The following DNAH7 variants were observed in gnomAD, a reference collection of about 807,000 sequenced individuals.
The protein encoded by DNAH7 is dynein axonemal heavy chain 7.
Under a neutral mutation model 444.6 loss-of-function variants are expected in DNAH7, and 397 were observed. The observed-to-expected ratio is 0.89, with a 90% CI of 0.82 to 0.97. DNAH7 has a LOEUF of 0.97. Ranked by LOEUF, DNAH7 falls within the 50% of genes least tolerant of loss-of-function variation. The pLI is 0.00. For synonymous variants in DNAH7, 1,636 were observed against 1,624.4 expected (o/e 1.01, Z -0.17); for missense variants, 4,902 against 4,800.8 (o/e 1.02, Z -0.62).
At chr2:195,934,532 T>C in intron 21 of DNAH7, 59 bp downstream of exon 21, 1 of 1,513,632 alleles carries the variant, frequency 6.6e-7, no homozygotes, top group Non-Finnish European at 9.1e-7. Flanking sequence ...AACAGAATAT[T>C]TCTAATAACA....
chr2:195,927,727 ATATC>A (rs1323394035), intron 21 of DNAH7, among the ~76,000 whole-genome samples: 9 of 151,386 alleles, frequency 5.9e-5, no homozygotes, highest in African/African-American at 2.2e-4. Flanking sequence ...GTCTATTATT[ATATC>A]TATGTTTACC....
At chr2:195,967,557 C>T (rs1006192419) in intron 17 of DNAH7, among the ~76,000 whole-genome samples, 3 of 152,180 alleles carry the variant, frequency 2.0e-5, no homozygotes, top group Non-Finnish European at 4.4e-5. Flanking sequence ...AATCTCTCAG[C>T]TTTTGTTTGT....
At chr2:195,793,454 G>T (rs1240949081) in intron 57 of DNAH7, among the ~76,000 whole-genome samples, 1 of 152,084 alleles carries the variant, frequency 6.6e-6, no homozygotes, top group African/African-American at 2.4e-5. Flanking sequence ...TTAAAATTTT[G>T]CAAAGAGGCT....
Position 195,972,416 on chromosome 2 carries a change from T to C in DNAH7, c.1884A>G (p.Arg628=). ...CGAGGCAGTTTTTGGAATCCACTAATCTCTGTTCTAGTTCAATCATATCAG... is the reference window on the plus strand; with the variant it reads ...CGAGGCAGTTTTTGGAATCCACTAACCTCTGTTCTAGTTCAATCATATCAG... ...EVTDMIELEQ[R]LVDSKNCLAF... The change falls in exon 16 of 65, where the codon AGA becomes AGG. Residue 628 remains arginine (R), a synonymous_variant. Coordinates refer to ENST00000312428, the MANE Select transcript of DNAH7 (RefSeq NM_018897.3). The C allele has an allele frequency of 6.2e-7, 1 of 1,614,142 alleles. No individual in the cohort carries two copies. The highest frequency in any genetic ancestry group is 8.5e-7 in the Non-Finnish European group (1 of 1,180,004).
In DNAH7 at chr2:195,817,605, A is replaced by T. The variant is rs559726063; in HGVS notation, c.9425+91T>A. 98 of 1,334,018 alleles carry T rather than the reference A, an allele frequency of 7.3e-5. No individual in the cohort carries two copies. In the African/African-American group the frequency reaches 1.3e-3, roughly 18 times the overall value. The allele number at this position is 1,334,018 out of a possible 1,614,324, so 82.6% of individuals were successfully genotyped here. ...ATTTTCCCTTGCAGTATTCCTATTA[A>T]ATCTAACAAAAGAGATCTGTAAAAT... On this transcript the variant is annotated intron_variant, in intron 50 of 64. Transcript: ENST00000312428.
intron 56 of DNAH7, 80 bp from the exon 57 acceptor site, chr2:195,794,618 T>C: frequency 1.5e-6 from 2 of 1,338,332 alleles, no homozygotes; most frequent in Non-Finnish European, 2.1e-6. Context: ...AAGGATGAGT[T>C]GGAAGGGGGA....
At chr2:196,005,275 AAAACAAACAAACAAAC>A (rs757539066) in intron 10 of DNAH7, among the ~76,000 whole-genome samples, 1 of 148,968 alleles carries the variant, frequency 6.7e-6, no homozygotes, top group Non-Finnish European at 1.5e-5. Context: ...CTCCATCTCC[AAAACAAACAAACAAAC>A]AAACAAACAA....
chr2:195,908,792 G>T (rs1180603986), intron 25 of DNAH7, among the ~76,000 whole-genome samples: 2 of 152,038 alleles, frequency 1.3e-5, no homozygotes, highest in East Asian at 1.9e-4. Flanking sequence ...TCATTTAAAT[G>T]TTTTCATATT....
chr2:195,937,038 T>C (rs1162872957), intron 19 of DNAH7, among the ~76,000 whole-genome samples: 1 of 152,092 alleles, frequency 6.6e-6, no homozygotes, highest in Non-Finnish European at 1.5e-5. Flanking sequence ...AGTTGAGAAG[T>C]GTAAGAAACA....
At chr2:195,872,535 G>T in intron 39 of DNAH7, 66 bp from the exon 40 acceptor site, 3 of 1,088,062 alleles carry the variant, frequency 2.8e-6, no homozygotes, top group Non-Finnish European at 3.9e-6. Context: ...ACACAAAAAG[G>T]ATATTTAGCA....
chr2:195,925,704 G>A (rs1489803), intron 22 of DNAH7, among the ~76,000 whole-genome samples: 41,936 of 151,948 alleles, frequency 0.28, 8,655 homozygotes, highest in African/African-American at 0.58. Context: ...GTTCAACAAT[G>A]TCTTAAAGAC....
chr2:196,047,513 A>C lies in DNAH7; in HGVS notation c.251-14T>G, dbSNP rs1309915439. 3.4e-6 allele frequency: 4 copies of C among 1,178,008 alleles called. No individual in the cohort carries two copies. The highest frequency in any genetic ancestry group is 3.4e-6 in the Non-Finnish European group (3 of 887,716). 73.0% of individuals were successfully genotyped at this position (1,178,008 alleles called of 1,614,324 possible). A position where few individuals can be genotyped will look rare whatever the true frequency, so the allele number is the denominator to read the frequency against. On this transcript the variant is annotated splice_polypyrimidine_tract_variant and intron_variant, in intron 4 of 64. Transcript: ENST00000312428. The stretch of plus-strand genomic sequence containing the variant: ...CCATGTATTCAGCTTAAATTAAAAC[A>C]AAAAAAAAAGCACAATTATTCATCT...
chr2:195,813,194 T>C (rs1195229927), intron 51 of DNAH7, among the ~76,000 whole-genome samples: 1 of 152,180 alleles, frequency 6.6e-6, no homozygotes, highest in Non-Finnish European at 1.5e-5. Context: ...AACAGTAGAA[T>C]GGATAAATGA....
intron 21 of DNAH7, among the ~76,000 whole-genome samples, chr2:195,929,048 C>T (rs558826360): frequency 1.1e-4 from 16 of 152,136 alleles, no homozygotes; most frequent in African/African-American, 3.9e-4. Context: ...AATCAATGTA[C>T]AAAAATCGGT....
chr2:196,002,669 TAA>T (rs1207903792), intron 10 of DNAH7, among the ~76,000 whole-genome samples: 1 of 152,142 alleles, frequency 6.6e-6, no homozygotes, highest in Non-Finnish European at 1.5e-5. Context: ...AAATATGTGT[TAA>T]GTGTCTACTA....
At chr2:195,834,539 A>T in intron 47 of DNAH7, 179 bp from the exon 48 acceptor site, 1 of 533,508 alleles carries the variant, frequency 1.9e-6, no homozygotes, top group Non-Finnish European at 3.0e-6. Flanking sequence ...GGGCTACCTG[A>T]ACGGCAACTA....
At chr2:195,998,894 C>CA (rs1013271476) in intron 12 of DNAH7, 3,165 of 419,278 alleles carry the variant, frequency 7.5e-3, no homozygotes, top group South Asian at 0.01. Flanking sequence ...GAAATAACAA[C>CA]AAAAAAAAAA....
chr2:195,884,644 C>T lies in DNAH7; in HGVS notation c.5704G>A (p.Ala1902Thr), dbSNP rs776483522. The change falls in exon 35 of 65, where the codon GCA (alanine) becomes ACA (threonine). Residue 1902 changes from alanine to threonine, a missense_variant. Coordinates refer to ENST00000312428, the MANE Select transcript of DNAH7 (RefSeq NM_018897.3). ...TTTTCAGGAAATGGGACAGTTAGTG[C>T]CTTTGAGGATGTTTGCTCAGTACCA... ...QSGTEQTSSK[A>T]LTVPFPEKGT... 5 of 1,614,130 alleles carry T rather than the reference C, an allele frequency of 3.1e-6. No homozygotes were observed. In the Admixed American group the frequency reaches 8.3e-5, roughly 27 times the overall value.
intron 3 of DNAH7, 127 bp from the exon 4 acceptor site, chr2:196,048,531 C>G (rs1032305173): frequency 1.4e-6 from 1 of 732,066 alleles, no homozygotes; most frequent in Non-Finnish European, 2.2e-6. Flanking sequence ...ATAGAAAATA[C>G]TCAACAGTAG....
Sources: allele counts gnomAD v4.1 joint callset (sites outside exome capture counted in the v4.1 genomes callset), GRCh38; gene constraint gnomAD v4.1.1; transcripts MANE v1.5; gene names NCBI Gene and HGNC (gene_info 2026-07-23, HGNC 2026-07-21).